The following SPTBN4 variants were observed in gnomAD, a reference collection of about 807,000 sequenced individuals.
SPTBN4 encodes spectrin beta, non-erythrocytic 4, also known as spectrin beta chain, non-erythrocytic 4.
In SPTBN4, 96 loss-of-function variants were observed where a neutral mutation model predicts 277.8. The ratio of observed to expected loss-of-function variants is 0.35; its 90% CI spans 0.29 to 0.41. The LOEUF is 0.41. SPTBN4 is among the 10% of genes least tolerant of loss of function. The pLI is 1.00. For missense variants in SPTBN4, 3,006 were observed against 3,595.7 expected (o/e 0.84, Z 4.19); for synonymous variants, 1,481 against 1,580.3 (o/e 0.94, Z 1.49).
chr19:40,492,407 G>A (rs2080148942), intron 4 of SPTBN4, among the ~76,000 whole-genome samples: 1 of 152,138 alleles, frequency 6.6e-6, no homozygotes, highest in South Asian at 2.1e-4. Context: ...AACAGCCAGT[G>A]CTAAAGGACC....
chr19:40,571,879 T>C, intron 33 of SPTBN4, 140 bp from the exon 34 acceptor site: 1 of 923,072 alleles, frequency 1.1e-6, no homozygotes, highest in Non-Finnish European at 1.6e-6. Flanking sequence ...AAGAGCATTT[T>C]AGGTCCAACT....
intron 27 of SPTBN4, among the ~76,000 whole-genome samples, chr19:40,563,212 A>T (rs1599815168): frequency 6.6e-6 from 1 of 151,646 alleles, no homozygotes; most frequent in Admixed American, 6.6e-5. Flanking sequence ...ATTCTGTCTT[A>T]AAAAAAAATT....
In SPTBN4 at chr19:40,497,617, C is replaced by T. The variant is rs746976105; in HGVS notation, c.784+13C>T. 55 of 1,608,786 alleles carry T rather than the reference C, an allele frequency of 3.4e-5. 1 individual carries two copies. The highest frequency in any genetic ancestry group is 3.1e-4 in the South Asian group (28 of 91,008). On this transcript the variant is annotated intron_variant, in intron 7 of 35. Transcript: ENST00000598249. ...CTGGATCCTGAAGGTGAGCCTCTCGCGGGCCCAGCCCAGACTTCGTCTTGG... is the reference window on the plus strand; with the variant it reads ...CTGGATCCTGAAGGTGAGCCTCTCGTGGGCCCAGCCCAGACTTCGTCTTGG...
intron 35 of SPTBN4, among the ~76,000 whole-genome samples, chr19:40,574,595 C>G (rs2081183991): frequency 6.6e-6 from 1 of 152,088 alleles, no homozygotes. Flanking sequence ...CTCCTGACCT[C>G]AGGTGATCCA....
At chr19:40,484,968 CA>C (rs1274153003) in intron 2 of SPTBN4, among the ~76,000 whole-genome samples, 1 of 144,036 alleles carries the variant, frequency 6.9e-6, no homozygotes, top group South Asian at 2.2e-4. Flanking sequence ...AAACAAAAAA[CA>C]AAAAAACCAC....
At position 40,560,744 on chromosome 19, in the gene SPTBN4, A is replaced by G. The variant is rs117949527; in HGVS notation, c.5915+341A>G. The G allele has an allele frequency of 7.5e-7, 1 of 1,336,768 alleles. No individual in the cohort carries two copies. The highest frequency in any genetic ancestry group is 1.5e-5 in the African/African-American group (1 of 67,720). 82.8% of individuals were successfully genotyped at this position (1,336,768 alleles called of 1,614,324 possible). ...TTGTGAGGGTGGGTGAAGAATTCTA[A>G]CAATTCCAGCATCTCAGTGGCTTCA... On this transcript the variant is annotated intron_variant, in intron 27 of 35. Transcript: ENST00000598249. The surrounding 1 kb of genome is among the most constrained non-coding windows in gnomAD (Gnocchi z 5.2).
At chr19:40,499,736 A>G (rs2080242892) in intron 7 of SPTBN4, among the ~76,000 whole-genome samples, 1 of 151,988 alleles carries the variant, frequency 6.6e-6, no homozygotes, top group South Asian at 2.1e-4. Context: ...CAGCTCAGGG[A>G]TGTTGTCACT....
chr19:40,486,649 A>C (rs1422207571), intron 2 of SPTBN4, among the ~76,000 whole-genome samples: 2 of 151,948 alleles, frequency 1.3e-5, no homozygotes, highest in East Asian at 3.9e-4. Flanking sequence ...CTGGGATTAC[A>C]GGCATGAGCC....
intron 31 of SPTBN4, 138 bp downstream of exon 31, chr19:40,568,420 A>G (rs1470105942): frequency 2.4e-6 from 3 of 1,260,274 alleles, no homozygotes; most frequent in African/African-American, 1.5e-5. Context: ...CCCATTTTGC[A>G]GAGGTGTAAA....
chr19:40,495,597 G>A lies in SPTBN4; in HGVS notation c.668+620G>A, dbSNP rs150620851. On this transcript the variant is annotated intron_variant, in intron 6 of 35. Transcript: ENST00000598249. ...CAGGAGGCGGAGGTTGCAATGAGCC[G>A]AGATTGTGCCACTGCACTCCAGCCT... 7.8e-3 allele frequency among the ~76,000 whole-genome samples: 1,188 copies of A among 152,052 alleles called. 10 individuals carry two copies. The highest frequency in any genetic ancestry group is 0.021 in the South Asian group (103 of 4,800).
In SPTBN4 at chr19:40,565,407, C is replaced by T. The variant is rs763386727; in HGVS notation, c.5916-16C>T. On this transcript the variant is annotated splice_polypyrimidine_tract_variant and intron_variant, in intron 27 of 35. Coordinates refer to ENST00000598249, the MANE Select transcript of SPTBN4 (RefSeq NM_020971.3). ...GGCTCCCTGTGGCTCAGATCCCTGC[C>T]TGCCACCCACTGCAGGGACGTGTCA... is the stretch of plus-strand genomic sequence containing the variant. 2.7e-5 allele frequency: 43 copies of T among 1,606,598 alleles called. 1 individual carries two copies. The South Asian group carries it at 4.8e-4, about 18-fold the overall frequency.
At chr19:40,507,423 A>T (rs975206626) in intron 13 of SPTBN4, among the ~76,000 whole-genome samples, 2 of 152,004 alleles carry the variant, frequency 1.3e-5, no homozygotes, top group African/African-American at 4.8e-5. Context: ...TCCATCTGAG[A>T]CCAGGCATGG....
Position 40,532,919 on chromosome 19 carries a change from T to C in SPTBN4, c.4095+148T>C, listed in dbSNP as rs940177363. On this transcript the variant is annotated intron_variant, in intron 19 of 35. Transcript: ENST00000598249. The stretch of plus-strand genomic sequence containing the variant: ...TCAGCTCCAGATCTGCTCCTAGCTA[T>C]GTGGCTTTGAGTGATTCATGTAACA... 5.0e-5 allele frequency: 51 copies of C among 1,025,448 alleles called. No homozygotes were observed. The South Asian group carries it at 1.1e-3, about 21-fold the overall frequency. The allele number at this position is 1,025,448 out of a possible 1,614,324, so 63.5% of individuals were successfully genotyped here.
rs1233885329 is a variant in SPTBN4, at chr19:40,515,120, A to G, written c.2766-191A>G. Among the ~76,000 whole-genome samples, 1 of 152,098 alleles carries G rather than the reference A, an allele frequency of 6.6e-6. No homozygotes were observed. The highest frequency in any genetic ancestry group is 1.5e-5 in the Non-Finnish European group (1 of 68,024). ...ACTCTGTCTCAATACATACATACAT[A>G]AATTAATTAAATTAAATTAAATAAG... is the stretch of plus-strand genomic sequence containing the variant. On this transcript the variant is annotated intron_variant, in intron 14 of 35. Transcript: ENST00000598249. This position sits in a 1 kb window ranked among gnomAD's most constrained non-coding sequence, Gnocchi z 4.1.
At chr19:40,508,203 C>T (rs189945270) in intron 13 of SPTBN4, among the ~76,000 whole-genome samples, 11 of 152,278 alleles carry the variant, frequency 7.2e-5, no homozygotes, top group Admixed American at 5.2e-4. Context: ...AGAGGGACGG[C>T]CTTACCAGAT....
chr19:40,504,085 G>A lies in SPTBN4; in HGVS notation c.1618G>A (p.Val540Ile), dbSNP rs969780165. ...TGAGCAGAACCTTGCCCTGCAGAAG[G>A]TCTTCCAGGAGATGGTGTACATGGT... ...RLEQNLALQK[V>I]FQEMVYMVDW... Residue 540 changes from valine (V) to isoleucine (I), a missense_variant, in exon 12 of 36, where the codon GTC (valine) becomes ATC (isoleucine). This residue lies in a region of SPTBN4 where 1,759 missense variants were observed against 2,061.5 expected (regional missense o/e 0.85). Coordinates refer to ENST00000598249, the MANE Select transcript of SPTBN4 (RefSeq NM_020971.3). 1 of 1,572,786 alleles carries A rather than the reference G, an allele frequency of 6.4e-7. No homozygotes were observed. The highest frequency in any genetic ancestry group is 2.3e-5 in the East Asian group (1 of 44,134).
intron 5 of SPTBN4, among the ~76,000 whole-genome samples, chr19:40,494,457 C>G (rs2080172280): frequency 6.6e-6 from 1 of 151,388 alleles, no homozygotes; most frequent in African/African-American, 2.4e-5. Context: ...TCTCTTCTTT[C>G]TTTTGCTTCT....
At chr19:40,507,540 GA>G (rs990177626) in intron 13 of SPTBN4, among the ~76,000 whole-genome samples, 6 of 143,934 alleles carry the variant, frequency 4.2e-5, no homozygotes, top group African/African-American at 5.1e-5. Flanking sequence ...TATCAAAAAA[GA>G]AAAAAAAAAG....
At chr19:40,494,625 T>C (rs1364521235) in intron 5 of SPTBN4, among the ~76,000 whole-genome samples, 7 of 148,942 alleles carry the variant, frequency 4.7e-5, no homozygotes, top group Admixed American at 4.6e-4. Context: ...GTCTATCATC[T>C]ATCAATCTAT....
Sources: allele counts gnomAD v4.1 joint callset (sites outside exome capture counted in the v4.1 genomes callset), GRCh38; gene constraint gnomAD v4.1.1; regional missense constraint gnomAD v4.1.1; non-coding constraint Gnocchi (gnomAD v3.1); transcripts MANE v1.5; gene names NCBI Gene and HGNC (gene_info 2026-07-23, HGNC 2026-07-21).